RBFOX1: variants seen among roughly 807,000 people sequenced by gnomAD.
The protein encoded by RBFOX1 is RNA binding protein fox-1 homolog 1.
Under a neutral mutation model 57.7 loss-of-function variants are expected in RBFOX1, and 8 were observed. The ratio of observed to expected loss-of-function variants is 0.14; its 90% confidence interval spans 0.08 to 0.25. RBFOX1 has a LOEUF of 0.25. Ranked by LOEUF, RBFOX1 falls within the 10% of genes least tolerant of loss-of-function variation. The pLI is 1.00. For missense variants in RBFOX1, 611 were observed against 548.5 expected (o/e 1.11, Z -1.14); for synonymous variants, 326 against 222.4 (o/e 1.47, Z -4.15).
At chr16:5,490,406 G>A (rs9926396) in intron 2 of RBFOX1, among the ~76,000 whole-genome samples, 10,303 of 152,266 alleles carry the variant, frequency 0.068, 1,166 homozygotes, top group African/African-American at 0.23. Flanking sequence ...TTGAACCCAG[G>A]TTCCTCCTAT....
intron 2 of RBFOX1, among the ~76,000 whole-genome samples, chr16:5,592,847 G>T (rs1014278565): frequency 6.6e-6 from 1 of 152,136 alleles, no homozygotes; most frequent in South Asian, 2.1e-4. Flanking sequence ...GAGCCCTGGG[G>T]TCAGAACACT....
chr16:6,401,433 C>G (rs1052043666), intron 2 of RBFOX1, among the ~76,000 whole-genome samples: 7 of 152,196 alleles, frequency 4.6e-5, no homozygotes, highest in Admixed American at 1.3e-4. Flanking sequence ...GTTAGGGTAA[C>G]TTCACTTATG....
chr16:5,846,625 C>T (rs903838361), intron 3 of RBFOX1, among the ~76,000 whole-genome samples: 1 of 152,204 alleles, frequency 6.6e-6, no homozygotes, highest in Non-Finnish European at 1.5e-5. Context: ...TCCCAAGGAA[C>T]AGCAAGACCC....
Position 7,120,838 on chromosome 16 carries a change from C to CACACACACACACACAT in RBFOX1, c.27+68755_27+68756insTACACACACACACACA, listed in dbSNP as rs1555491047. 2.2e-3 allele frequency among the ~76,000 whole-genome samples: 312 copies of CACACACACACACACAT among 141,652 alleles called. 2 individuals are homozygous for CACACACACACACACAT. Among genetic ancestry groups the CACACACACACACACAT allele is most frequent in the Non-Finnish European group, 2.7e-3 (179 of 65,546 alleles). The allele number at this position is 141,652 out of a possible 152,430, so 92.9% of individuals were successfully genotyped here. On this transcript the variant is annotated intron_variant, in intron 4 of 15. Transcript: ENST00000550418. ...TTTTATATATGTATATATACACACA[C>CACACACACACACACAT]ACACACACACACACACACACATACG... is the stretch of plus-strand genomic sequence containing the variant.
chr16:5,513,348 G>A (rs972473875), intron 2 of RBFOX1, among the ~76,000 whole-genome samples: 7 of 152,170 alleles, frequency 4.6e-5, no homozygotes, highest in Non-Finnish European at 4.4e-5. Flanking sequence ...GAGGAAGACT[G>A]TGGAGATAAA....
intron 3 of RBFOX1, among the ~76,000 whole-genome samples, chr16:5,854,563 C>T (rs1455752663): frequency 4.2e-5 from 6 of 142,794 alleles, no homozygotes; most frequent in African/African-American, 8.2e-5. Context: ...TCTTACCCCC[C>T]CCACACACAA....
At chr16:6,431,780 T>C (rs1403709154) in intron 2 of RBFOX1, among the ~76,000 whole-genome samples, 1 of 152,150 alleles carries the variant, frequency 6.6e-6, no homozygotes, top group Non-Finnish European at 1.5e-5. Flanking sequence ...CAAATCATTC[T>C]TGGTGACTCA....
At chr16:6,358,871 A>T (rs1010657119) in intron 2 of RBFOX1, among the ~76,000 whole-genome samples, 1 of 152,154 alleles carries the variant, frequency 6.6e-6, no homozygotes, top group Non-Finnish European at 1.5e-5. Flanking sequence ...GTGCTGTTTG[A>T]CGAAGATTTA....
chr16:5,964,000 T>G (rs1236277831), intron 4 of RBFOX1, among the ~76,000 whole-genome samples: 1 of 152,218 alleles, frequency 6.6e-6, no homozygotes, highest in Non-Finnish European at 1.5e-5. Context: ...GCAAATCACA[T>G]ATCTGATAAG....
intron 4 of RBFOX1, among the ~76,000 whole-genome samples, chr16:7,443,587 A>T (rs1022184382): frequency 1.3e-5 from 2 of 152,232 alleles, no homozygotes; most frequent in East Asian, 1.9e-4. Context: ...TTGAAACATA[A>T]TTTTTAAGCC....
chr16:5,850,140 G>A (rs970085271), intron 3 of RBFOX1, among the ~76,000 whole-genome samples: 4 of 152,146 alleles, frequency 2.6e-5, no homozygotes, highest in Non-Finnish European at 4.4e-5. Flanking sequence ...TGGCTAAGAG[G>A]GAAAGGAACT....
At chr16:6,767,947 T>TAATAATAATAATAATAATAATAAG (rs1410744665) in intron 3 of RBFOX1, among the ~76,000 whole-genome samples, 2 of 101,048 alleles carry the variant, frequency 2.0e-5, no homozygotes, top group African/African-American at 4.3e-5. Context: ...ATAATAATAA[T>TAATAATAATAATAATAATAATAAG]AAGAAGAAGA....
At chr16:6,993,030 G>C (rs2091749970) in intron 3 of RBFOX1, among the ~76,000 whole-genome samples, 1 of 152,138 alleles carries the variant, frequency 6.6e-6, no homozygotes, top group Non-Finnish European at 1.5e-5. Context: ...ATTTCTGATA[G>C]ATTTTAATTT....
At chr16:7,555,568 G>T (rs756815351) in intron 5 of RBFOX1, among the ~76,000 whole-genome samples, 1 of 152,290 alleles carries the variant, frequency 6.6e-6, no homozygotes, top group Non-Finnish European at 1.5e-5. Context: ...TCTTAGAGCA[G>T]ACTACAAAGA....
At position 5,495,029 on chromosome 16, in the gene RBFOX1, A is replaced by G. The variant is rs28595302; in HGVS notation, c.258+27775A>G. On this transcript the variant is annotated intron_variant, in intron 2 of 2. Transcript: ENST00000585867. ...TATTAGTTCGTTCTCATACTGCTATAAAAGACATACCTCAGACTGGGTAAT... is the reference window on the plus strand; with the variant it reads ...TATTAGTTCGTTCTCATACTGCTATGAAAGACATACCTCAGACTGGGTAAT... Among the ~76,000 whole-genome samples, 1,391 of 152,294 alleles carry G rather than the reference A, an allele frequency of 9.1e-3. 20 individuals are homozygous for G. The highest frequency in any genetic ancestry group is 0.031 in the African/African-American group (1,302 of 41,574).
At chr16:5,810,092 A>G (rs949454815) in intron 3 of RBFOX1, among the ~76,000 whole-genome samples, 2 of 151,394 alleles carry the variant, frequency 1.3e-5, no homozygotes, top group Non-Finnish European at 2.9e-5. Flanking sequence ...ACCAAACACC[A>G]TATATTCTCA....
At chr16:6,987,949 A>G (rs1056006393) in intron 3 of RBFOX1, among the ~76,000 whole-genome samples, 3 of 152,164 alleles carry the variant, frequency 2.0e-5, no homozygotes, top group South Asian at 2.1e-4. Flanking sequence ...ACTTGAGTTT[A>G]CTAAGTGCCA....
At chr16:6,696,052 C>A (rs73535603) in intron 3 of RBFOX1, among the ~76,000 whole-genome samples, 1 of 152,162 alleles carries the variant, frequency 6.6e-6, no homozygotes, top group African/African-American at 2.4e-5. Flanking sequence ...TTGCTTGAGG[C>A]AATTGTTGTA....
chr16:6,226,331 C>A (rs963691842), intron 1 of RBFOX1, among the ~76,000 whole-genome samples: 11 of 132,342 alleles, frequency 8.3e-5, no homozygotes, highest in Non-Finnish European at 1.1e-4. Context: ...CAAAATCATG[C>A]CATTGCACTC....
Sources: allele counts gnomAD v4.1 joint callset (sites outside exome capture counted in the v4.1 genomes callset), GRCh38; gene constraint gnomAD v4.1.1; transcripts MANE v1.5; gene names NCBI Gene and HGNC (gene_info 2026-07-23, HGNC 2026-07-21).